CIB4: variants seen among roughly 807,000 people sequenced by gnomAD.
CIB4 encodes the protein calcium and integrin-binding family member 4.
Under a neutral mutation model 25.8 loss-of-function variants are expected in CIB4, and 25 were observed. The ratio of observed to expected loss-of-function variants is 0.97; its 90% CI spans 0.71 to 1.35. CIB4 has a LOEUF of 1.35. Among genes scored for constraint, CIB4 ranks in the 40% most tolerant of loss-of-function variants. CIB4 has a pLI of 0.00. For synonymous variants in CIB4, 75 were observed against 81.4 expected (o/e 0.92, Z 0.42); for missense variants, 235 against 228.2 (o/e 1.03, Z -0.19).
At chr2:26,583,416 G>A (rs1668389637) in intron 5 of CIB4, among the ~76,000 whole-genome samples, 1 of 152,198 alleles carries the variant, frequency 6.6e-6, no homozygotes, top group Non-Finnish European at 1.5e-5. Flanking sequence ...GAGTGGGGAG[G>A]GGATGTTGAG....
intron 4 of CIB4, among the ~76,000 whole-genome samples, chr2:26,586,911 G>A (rs185255708): frequency 9.9e-5 from 15 of 152,280 alleles, no homozygotes; most frequent in African/African-American, 1.4e-4. Flanking sequence ...AGGTGTGGTC[G>A]TCTGGGATAA....
intron 3 of CIB4, among the ~76,000 whole-genome samples, chr2:26,597,805 G>A (rs1668708130): frequency 1.3e-5 from 2 of 151,926 alleles, no homozygotes; most frequent in Admixed American, 6.6e-5. Flanking sequence ...TCTCACGGAT[G>A]TGGAAATGAG....
chr2:26,588,978 T>TTTCTTTCTTCTCC (rs1668508138), intron 4 of CIB4, among the ~76,000 whole-genome samples: 1 of 69,890 alleles, frequency 1.4e-5, no homozygotes, highest in African/African-American at 5.5e-5. Flanking sequence ...CCGCTTCTTC[T>TTTCTTTCTTCTCC]TTCTTCTTCT....
Position 26,616,106 on chromosome 2 carries a change from C to T in CIB4, c.186+13304G>A, listed in dbSNP as rs13394404. Among the ~76,000 whole-genome samples, 590 of 152,282 alleles carry T rather than the reference C, an allele frequency of 3.9e-3. 4 individuals carry two copies. Among genetic ancestry groups the T allele is most frequent in the African/African-American group, 0.013 (544 of 41,562 alleles). ...TTAACCCCTGTGGGCCTCTGCGGCCCAGCTGTAAATGAAGCGAACAACTCC... is the reference window on the plus strand; with the variant it reads ...TTAACCCCTGTGGGCCTCTGCGGCCTAGCTGTAAATGAAGCGAACAACTCC... On this transcript the variant is annotated intron_variant, in intron 3 of 6. Transcript: ENST00000288861.
In CIB4 at chr2:26,581,442, C is replaced by T. The variant is rs1668339129; in HGVS notation, c.528-49G>A. On this transcript the variant is annotated intron_variant, in intron 6 of 6. Transcript: ENST00000288861. ...CATGTGAGCCCGCAGGTCCAAGGGG[C>T]CCTCTGACTCCTGGGTTCACAGTAG... 4 of 1,588,864 alleles carry T rather than the reference C, an allele frequency of 2.5e-6. No individual in the cohort carries two copies. The South Asian group carries it at 3.3e-5, about 13-fold the overall frequency.
rs140691713 is a variant in CIB4, at chr2:26,627,502, G to A, written c.186+1908C>T. Among the ~76,000 whole-genome samples, 5 of 152,328 alleles carry A rather than the reference G, an allele frequency of 3.3e-5. No homozygotes were observed. Among genetic ancestry groups the A allele is most frequent in the Admixed American group, 6.5e-5 (1 of 15,312 alleles). The stretch of plus-strand genomic sequence containing the variant: ...CAGAAGCTTCCCATCAGCCCTGCCT[G>A]TCTGGCTGGCCCTGACCCCGGGTCC... On this transcript the variant is annotated intron_variant, in intron 3 of 6. Coordinates refer to ENST00000288861, the MANE Select transcript of CIB4 (RefSeq NM_001029881.3). This position sits in a 1 kb window ranked among gnomAD's most constrained non-coding sequence, Gnocchi z 4.0.
At chr2:26,636,990 C>T (rs1382161118) in intron 2 of CIB4, among the ~76,000 whole-genome samples, 2 of 152,008 alleles carry the variant, frequency 1.3e-5, no homozygotes, top group Non-Finnish European at 2.9e-5. Flanking sequence ...ACCTGGTGTC[C>T]CTTAGCTTTC....
At chr2:26,637,275 T>C (rs1283646725) in intron 2 of CIB4, among the ~76,000 whole-genome samples, 1 of 152,140 alleles carries the variant, frequency 6.6e-6, no homozygotes, top group African/African-American at 2.4e-5. Flanking sequence ...GCGTTCTCGA[T>C]TCCATCATCC....
intron 4 of CIB4, 55 bp from the exon 5 acceptor site, chr2:26,583,953 A>G: frequency 8.8e-7 from 1 of 1,142,588 alleles, no homozygotes. Context: ...AAACAGGAAG[A>G]GGACTTGAGG....
At chr2:26,613,255 G>A (rs1180252319) in intron 3 of CIB4, among the ~76,000 whole-genome samples, 2 of 152,096 alleles carry the variant, frequency 1.3e-5, no homozygotes, top group Admixed American at 6.5e-5. Context: ...AACAGAAGGG[G>A]CCCCAAGGTC....
chr2:26,598,031 G>C (rs1234476369), intron 3 of CIB4, among the ~76,000 whole-genome samples: 4 of 152,086 alleles, frequency 2.6e-5, no homozygotes, highest in Non-Finnish European at 2.9e-5. Flanking sequence ...CGGGCACGGT[G>C]GCTCACGCCT....
intron 2 of CIB4, among the ~76,000 whole-genome samples, chr2:26,630,721 T>A (rs928630910): frequency 1.3e-5 from 2 of 152,050 alleles, no homozygotes; most frequent in Non-Finnish European, 2.9e-5. Flanking sequence ...GGGTAGTAAA[T>A]CTCCCCCCAC....
chr2:26,588,989 TC>T (rs1558554516), intron 4 of CIB4, among the ~76,000 whole-genome samples: 9 of 6,676 alleles, frequency 1.3e-3, no homozygotes, highest in African/African-American at 3.6e-3. Context: ...TTCTTCTTCT[TC>T]TTCTTCTTCT....
chr2:26,622,702 G>T (rs898474069), intron 3 of CIB4, among the ~76,000 whole-genome samples: 2 of 152,096 alleles, frequency 1.3e-5, no homozygotes, highest in Admixed American at 1.3e-4. Context: ...TAAAAAAAAG[G>T]CCAGGTGAGG....
At chr2:26,597,200 A>G (rs1396791703) in intron 3 of CIB4, among the ~76,000 whole-genome samples, 1 of 152,226 alleles carries the variant, frequency 6.6e-6, no homozygotes, top group Non-Finnish European at 1.5e-5. Context: ...TATTGTCCAA[A>G]TAAAGAATGT....
At chr2:26,589,170 C>T (rs551584196) in intron 4 of CIB4, among the ~76,000 whole-genome samples, 70 of 124,080 alleles carry the variant, frequency 5.6e-4, no homozygotes, top group African/African-American at 1.6e-3. Flanking sequence ...CCTTCTCCTT[C>T]TCCTTCTTCC....
At chr2:26,630,319 A>G (rs1572571804) in intron 2 of CIB4, among the ~76,000 whole-genome samples, 1 of 152,130 alleles carries the variant, frequency 6.6e-6, no homozygotes, top group Admixed American at 6.5e-5. Flanking sequence ...CAGGTCCAGC[A>G]CCCAAGGCAG....
At chr2:26,625,334 T>C (rs1486149063) in intron 3 of CIB4, among the ~76,000 whole-genome samples, 2 of 149,714 alleles carry the variant, frequency 1.3e-5, no homozygotes, top group South Asian at 2.1e-4. Flanking sequence ...GAGCGAGGCC[T>C]TTCCTAAGGA....
intron 3 of CIB4, among the ~76,000 whole-genome samples, chr2:26,617,326 C>T (rs1015756791): frequency 4.6e-5 from 7 of 152,070 alleles, no homozygotes; most frequent in African/African-American, 1.7e-4. Flanking sequence ...GAGAAGTTGG[C>T]AAGAGCAAAA....
Sources: allele counts gnomAD v4.1 joint callset (sites outside exome capture counted in the v4.1 genomes callset), GRCh38; gene constraint gnomAD v4.1.1; non-coding constraint Gnocchi (gnomAD v3.1); transcripts MANE v1.5; gene names NCBI Gene and HGNC (gene_info 2026-07-23, HGNC 2026-07-21).